The following KLHL32 variants were observed in gnomAD, a reference collection of about 807,000 sequenced individuals.
KLHL32 encodes the protein kelch-like protein 32.
In KLHL32, 35 loss-of-function variants were observed where a neutral mutation model predicts 64.8. The observed-to-expected ratio is 0.54, with a 90% CI of 0.41 to 0.72. The LOEUF (loss-of-function observed/expected upper bound fraction) is 0.72. Among genes scored for constraint, KLHL32 ranks in the 30% least tolerant of loss-of-function variants. KLHL32 has a pLI of 0.00. For missense variants in KLHL32, 589 were observed against 768.5 expected (o/e 0.77, Z 2.76); for synonymous variants, 259 against 281.0 (o/e 0.92, Z 0.78).
chr6:97,117,347 G>T (rs961114320), intron 7 of KLHL32, among the ~76,000 whole-genome samples: 5 of 152,150 alleles, frequency 3.3e-5, no homozygotes, highest in African/African-American at 1.2e-4. Context: ...GCCTGAGGTG[G>T]GGGTAGTATG....
intron 10 of KLHL32, among the ~76,000 whole-genome samples, chr6:97,138,292 A>C (rs979837725): frequency 2.5e-4 from 38 of 152,170 alleles, no homozygotes; most frequent in Non-Finnish European, 4.6e-4. Context: ...TAATCCCAGC[A>C]CTTCGGGAGG....
chr6:96,930,634 T>A (rs1461759902), intron 1 of KLHL32, among the ~76,000 whole-genome samples: 4 of 152,110 alleles, frequency 2.6e-5, no homozygotes, highest in Admixed American at 1.3e-4. Context: ...ATATAAAATG[T>A]TTTAATCTGG....
chr6:97,000,468 T>C (rs1354883633), intron 3 of KLHL32, among the ~76,000 whole-genome samples: 1 of 152,188 alleles, frequency 6.6e-6, no homozygotes, highest in African/African-American at 2.4e-5. Context: ...TCTGATCTTG[T>C]CCCAGATGTT....
chr6:96,924,801 G>GCACACACACACACACACA lies in KLHL32; in HGVS notation c.-273_-256dup, dbSNP rs57457444. 2.0e-5 allele frequency: 3 copies of GCACACACACACACACACA among 148,908 alleles called. No homozygotes were observed. The highest frequency in any genetic ancestry group is 6.7e-5 in the Admixed American group (1 of 15,012). The allele number at this position is 148,908 out of a possible 1,614,324, so 9.2% of individuals were successfully genotyped here. A position where few individuals can be genotyped will look rare whatever the true frequency, so the allele number is the denominator to read the frequency against. ...CAGTCGCGCGCACACACGCACGCAG[G>GCACACACACACACACACA]CACACACACACACACACACACACAC... is the stretch of plus-strand genomic sequence containing the variant. On this transcript the variant is annotated 5_prime_UTR_variant, in exon 1 of 11. Coordinates refer to ENST00000369261, the MANE Select transcript of KLHL32 (RefSeq NM_052904.4).
intron 3 of KLHL32, among the ~76,000 whole-genome samples, chr6:96,998,712 A>T (rs758259251): frequency 1.3e-5 from 2 of 152,210 alleles, no homozygotes; most frequent in Non-Finnish European, 2.9e-5. Context: ...TGATAAGTGG[A>T]TGTTTATGCC....
chr6:97,045,736 G>A (rs1027433304), intron 4 of KLHL32, among the ~76,000 whole-genome samples: 5 of 152,190 alleles, frequency 3.3e-5, no homozygotes, highest in African/African-American at 7.2e-5. Flanking sequence ...GTGTGTGCAC[G>A]CATGTGTGCG....
chr6:96,980,976 G>T, intron 3 of KLHL32, among the ~76,000 whole-genome samples: 1 of 149,042 alleles, frequency 6.7e-6, no homozygotes, highest in South Asian at 2.2e-4. Context: ...TCACATGGTG[G>T]CAGCAAGAAG....
At chr6:97,012,916 A>G (rs1780599202) in intron 3 of KLHL32, among the ~76,000 whole-genome samples, 1 of 152,140 alleles carries the variant, frequency 6.6e-6, no homozygotes, top group Non-Finnish European at 1.5e-5. Context: ...GTTATTTTTC[A>G]CTGCACCTTC....
At chr6:96,945,795 T>C (rs1372781344) in intron 1 of KLHL32, among the ~76,000 whole-genome samples, 2 of 152,256 alleles carry the variant, frequency 1.3e-5, no homozygotes, top group Non-Finnish European at 2.9e-5. Context: ...GCTTTTGGCA[T>C]GAACCTGGGC....
chr6:97,028,689 G>A (rs1284668282), intron 3 of KLHL32, among the ~76,000 whole-genome samples: 1 of 152,198 alleles, frequency 6.6e-6, no homozygotes, highest in Non-Finnish European at 1.5e-5. Flanking sequence ...GTCCTTAGAA[G>A]TTTGTGAAGA....
At chr6:96,997,572 A>G (rs992796948) in intron 3 of KLHL32, among the ~76,000 whole-genome samples, 17 of 150,952 alleles carry the variant, frequency 1.1e-4, no homozygotes, top group African/African-American at 3.4e-4. Flanking sequence ...GCATAGTGAG[A>G]CCCTGTCTCT....
chr6:96,916,367 C>CGG, the KLHL32 span, among the ~76,000 whole-genome samples: 5 of 151,822 alleles, frequency 3.3e-5, no homozygotes, highest in African/African-American at 1.2e-4. Context: ...TATAGAAGTA[C>CGG]AGTCTTTCTC....
chr6:96,949,532 C>A (rs1233251587), intron 1 of KLHL32, among the ~76,000 whole-genome samples: 1 of 152,090 alleles, frequency 6.6e-6, no homozygotes, highest in Non-Finnish European at 1.5e-5. Flanking sequence ...ATTTGATAAT[C>A]TCATTTTTAT....
Position 97,113,104 on chromosome 6 carries a change from A to G in KLHL32, c.628-679A>G, listed in dbSNP as rs187372375. On this transcript the variant is annotated intron_variant, in intron 6 of 10. Transcript: ENST00000369261. ...GTGCAAACGACTCTAACAAATTTCCAGTATCTTACATGTGCAAATTACAAC... is the reference window on the plus strand; with the variant it reads ...GTGCAAACGACTCTAACAAATTTCCGGTATCTTACATGTGCAAATTACAAC... Among the ~76,000 whole-genome samples, 49 of 152,258 alleles carry G rather than the reference A, an allele frequency of 3.2e-4. No individual in the cohort carries two copies. The East Asian group carries it at 9.3e-3, about 29-fold the overall frequency.
intron 5 of KLHL32, 106 bp downstream of exon 5, chr6:97,064,832 G>A (rs1789467527): frequency 1.1e-6 from 1 of 897,442 alleles, no homozygotes; most frequent in Non-Finnish European, 1.8e-6. Context: ...GTGGGGGTGG[G>A]GTGTGGGCTG....
At chr6:97,109,589 G>A (rs79420372) in intron 6 of KLHL32, among the ~76,000 whole-genome samples, 3 of 152,300 alleles carry the variant, frequency 2.0e-5, no homozygotes, top group African/African-American at 4.8e-5. Flanking sequence ...TGAGGCTTGT[G>A]TGCTTCTCAC....
chr6:96,984,300 C>G (rs1052314112), intron 3 of KLHL32, among the ~76,000 whole-genome samples: 5 of 152,128 alleles, frequency 3.3e-5, no homozygotes, highest in African/African-American at 1.2e-4. Context: ...TTACTTCCAA[C>G]TAAGTGGTCA....
chr6:96,982,412 T>C lies in KLHL32; in HGVS notation c.204+6235T>C, dbSNP rs574551031. 2.0e-5 allele frequency among the ~76,000 whole-genome samples: 3 copies of C among 152,314 alleles called. No homozygotes were observed. In the South Asian group the frequency reaches 6.2e-4, roughly 32 times the overall value. On this transcript the variant is annotated intron_variant, in intron 3 of 10. Transcript: ENST00000369261. ...TTTCTGTTTGCTTGGTAGATTTTTC[T>C]TTATCCCTTTACATTGAGCCTTTGG...
intron 2 of KLHL32, among the ~76,000 whole-genome samples, chr6:96,969,991 G>A (rs1774932103): frequency 6.6e-6 from 1 of 152,140 alleles, no homozygotes; most frequent in Admixed American, 6.5e-5. Flanking sequence ...ATATCAAGTT[G>A]TATAAGCCAG....
Sources: gnomAD v4.1 joint callset for allele counts (sites outside exome capture counted in the v4.1 genomes callset) on GRCh38, gnomAD v4.1.1 for gene constraint, MANE v1.5 for transcripts, NCBI Gene and HGNC (gene_info 2026-07-23, HGNC 2026-07-21) for gene names.